Variants in WWOX observed in about 807,000 individuals in gnomAD.
WWOX encodes WW domain-containing oxidoreductase.
Under a neutral mutation model 46.2 loss-of-function variants are expected in WWOX, and 69 were observed. The ratio of observed to expected loss-of-function variants is 1.49; its 90% CI spans 1.23 to 1.82. The LOEUF (loss-of-function observed/expected upper bound fraction) is 1.82, where lower values mean the gene tolerates loss of function less well. WWOX is among the 40% of genes most tolerant of loss of function. The pLI is 0.00. For synonymous variants in WWOX, 359 were observed against 202.6 expected (o/e 1.77, Z -6.56); for missense variants, 919 against 542.6 (o/e 1.69, Z -6.89).
chr16:78,996,179 C>A, intron 8 of WWOX: 1 of 979,266 alleles, frequency 1.0e-6, no homozygotes, highest in Non-Finnish European at 1.2e-6. Flanking sequence ...CTCACATCTT[C>A]TTTAAATAAA....
chr16:78,951,030 G>A (rs1022358595), intron 8 of WWOX, among the ~76,000 whole-genome samples: 1 of 152,182 alleles, frequency 6.6e-6, no homozygotes, highest in African/African-American at 2.4e-5. Flanking sequence ...AGACATTGTA[G>A]GTGGCAGCAA....
At chr16:79,184,561 G>T (rs2050976212) in intron 8 of WWOX, among the ~76,000 whole-genome samples, 1 of 152,096 alleles carries the variant, frequency 6.6e-6, no homozygotes. Context: ...CTCTGGTGTT[G>T]TGCACCCACT....
intron 8 of WWOX, among the ~76,000 whole-genome samples, chr16:78,786,202 G>A (rs974943724): frequency 6.6e-6 from 1 of 152,176 alleles, no homozygotes; most frequent in Admixed American, 6.5e-5. Flanking sequence ...GAGCCACCGC[G>A]CCTGGCCTGA....
chr16:78,831,077 G>T (rs954933325), intron 8 of WWOX, among the ~76,000 whole-genome samples: 4 of 152,152 alleles, frequency 2.6e-5, no homozygotes, highest in African/African-American at 9.6e-5. Context: ...AGAGAAGAAG[G>T]GACTGCGTTC....
Position 78,914,881 on chromosome 16 carries a change from A to G in WWOX, c.1057-296727A>G, listed in dbSNP as rs7184520. On this transcript the variant is annotated intron_variant, in intron 8 of 8. Coordinates refer to ENST00000566780, the MANE Select transcript of WWOX (RefSeq NM_016373.4). ...GTGACAGAGCGAGACTCCGCCTCAG[A>G]AAAAAAAAAAAAAAAAAAAAAAGGA... Among the ~76,000 whole-genome samples, 128 of 34,314 alleles carry G rather than the reference A, an allele frequency of 3.7e-3. 1 individual carries two copies. Among genetic ancestry groups the G allele is most frequent in the African/African-American group, 0.019 (117 of 6,056 alleles). 22.5% of individuals were successfully genotyped at this position (34,314 alleles called of 152,430 possible).
chr16:78,883,734 A>G (rs944606503), intron 8 of WWOX, among the ~76,000 whole-genome samples: 4 of 151,536 alleles, frequency 2.6e-5, no homozygotes, highest in Non-Finnish European at 2.9e-5. Context: ...AAAAAAAAAA[A>G]AGAAAAAAAA....
chr16:78,635,913 C>T (rs886374726), intron 8 of WWOX, among the ~76,000 whole-genome samples: 3 of 152,096 alleles, frequency 2.0e-5, no homozygotes, highest in African/African-American at 7.2e-5. Flanking sequence ...AAAAGTGCCT[C>T]GTATTATACA....
chr16:79,138,793 G>C (rs1374036692), intron 8 of WWOX, among the ~76,000 whole-genome samples: 1 of 152,168 alleles, frequency 6.6e-6, no homozygotes, highest in Non-Finnish European at 1.5e-5. Flanking sequence ...TGCAGTCACA[G>C]CAGAGATGCA....
intron 8 of WWOX, among the ~76,000 whole-genome samples, chr16:78,933,796 A>G (rs60209796): frequency 0.18 from 27,312 of 152,032 alleles, 3,101 homozygotes; most frequent in East Asian, 0.41. Flanking sequence ...CCGTAATTCA[A>G]TTACCTCCCA....
chr16:78,946,760 G>C (rs888961067), intron 8 of WWOX, among the ~76,000 whole-genome samples: 2 of 147,576 alleles, frequency 1.4e-5, no homozygotes, highest in African/African-American at 2.7e-5. Context: ...GTGGTCCACA[G>C]AATTGGCAGT....
At chr16:78,142,764 G>A (rs775857878) in intron 4 of WWOX, among the ~76,000 whole-genome samples, 3 of 151,750 alleles carry the variant, frequency 2.0e-5, no homozygotes, top group Non-Finnish European at 4.4e-5. Flanking sequence ...GAGCAAAGAT[G>A]TTCAAATTTC....
chr16:78,282,191 A>C (rs533136808), intron 5 of WWOX, among the ~76,000 whole-genome samples: 2 of 152,246 alleles, frequency 1.3e-5, no homozygotes, highest in African/African-American at 4.8e-5. Context: ...CCCGTTCCCT[A>C]ATGGTAAAAT....
intron 5 of WWOX, among the ~76,000 whole-genome samples, chr16:78,197,325 T>A (rs1233225811): frequency 6.6e-6 from 1 of 152,232 alleles, no homozygotes; most frequent in Non-Finnish European, 1.5e-5. Context: ...AGCTTTAATA[T>A]GAGCACACCT....
chr16:79,127,807 T>C (rs988287132), intron 8 of WWOX, among the ~76,000 whole-genome samples: 1 of 152,178 alleles, frequency 6.6e-6, no homozygotes, highest in Non-Finnish European at 1.5e-5. Flanking sequence ...TGAGAGTACA[T>C]GTGGATGGGA....
At chr16:79,130,074 G>C (rs960478921) in intron 8 of WWOX, among the ~76,000 whole-genome samples, 3 of 152,224 alleles carry the variant, frequency 2.0e-5, no homozygotes, top group Non-Finnish European at 4.4e-5. Context: ...GAATAACCGT[G>C]TAAGGTTGCC....
At chr16:78,377,228 A>C (rs896346027) in intron 5 of WWOX, among the ~76,000 whole-genome samples, 2 of 152,210 alleles carry the variant, frequency 1.3e-5, no homozygotes, top group Non-Finnish European at 2.9e-5. Flanking sequence ...CAGATCTTTG[A>C]TGTATGCAGT....
intron 8 of WWOX, among the ~76,000 whole-genome samples, chr16:78,458,549 C>T (rs116372188): frequency 0.02 from 2,992 of 152,180 alleles, 35 homozygotes; most frequent in African/African-American, 0.04. Context: ...GTACAAGCCA[C>T]CATGTCAGGC....
chr16:78,699,949 A>C (rs546957751), intron 8 of WWOX, among the ~76,000 whole-genome samples: 1 of 152,152 alleles, frequency 6.6e-6, no homozygotes, highest in Admixed American at 6.5e-5. Context: ...TTTAGTACTC[A>C]CAAGGTAACT....
intron 8 of WWOX, among the ~76,000 whole-genome samples, chr16:78,643,228 T>C (rs2046762311): frequency 6.6e-6 from 1 of 152,232 alleles, no homozygotes; most frequent in African/African-American, 2.4e-5. Context: ...AAAGGACACG[T>C]ATGCCTAGAA....
Sources: allele counts gnomAD v4.1 joint callset (sites outside exome capture counted in the v4.1 genomes callset), GRCh38; gene constraint gnomAD v4.1.1; transcripts MANE v1.5; gene names NCBI Gene and HGNC (gene_info 2026-07-23, HGNC 2026-07-21).